HDAC9: variants seen among roughly 807,000 people sequenced by gnomAD.
HDAC9 encodes the protein MEF-2 interacting transcription repressor (MITR) protein.
HDAC9 carries 41 observed loss-of-function variants against 139.4 expected under a neutral mutation model. That is an observed-to-expected ratio of 0.29 (90% CI 0.23 to 0.38). The LOEUF is 0.38. Among genes scored for constraint, HDAC9 ranks in the 10% least tolerant of loss-of-function variants. The pLI, the probability that HDAC9 is intolerant of heterozygous loss-of-function variation, is 1.00. For synonymous variants in HDAC9, 517 were observed against 476.2 expected (o/e 1.09, Z -1.12); for missense variants, 1,147 against 1,297.0 (o/e 0.88, Z 1.78).
chr7:18,713,279 T>G (rs567291583), intron 12 of HDAC9, among the ~76,000 whole-genome samples: 25 of 152,290 alleles, frequency 1.6e-4, no homozygotes, highest in African/African-American at 5.5e-4. Flanking sequence ...GCCAAATTAT[T>G]AAACAGTGTT....
intron 22 of HDAC9, among the ~76,000 whole-genome samples, chr7:18,889,673 A>T (rs1800501572): frequency 6.6e-6 from 1 of 152,146 alleles, no homozygotes; most frequent in African/African-American, 2.4e-5. Flanking sequence ...CCTTTATAGG[A>T]CCAACACATG....
In HDAC9 at chr7:18,732,547, AT is replaced by A. The variant is rs1328126432; in HGVS notation, c.1909+4791del. On this transcript the variant is annotated intron_variant, in intron 13 of 25. Coordinates refer to ENST00000686413, the MANE Select transcript of HDAC9 (RefSeq NM_178425.4). ...ATGTATGTGTATATATGTGTATATA[AT>A]GTATATACACACGTGTATATATGTG... is the stretch of plus-strand genomic sequence containing the variant. Among the ~76,000 whole-genome samples the A allele has an allele frequency of 1.8e-3, 13 of 7,148 alleles. 1 individual carries two copies. In the Middle Eastern group the frequency reaches 0.33, roughly 183 times the overall value. 4.7% of individuals were successfully genotyped at this position (7,148 alleles called of 152,430 possible). A position where few individuals can be genotyped will look rare whatever the true frequency, so the allele number is the denominator to read the frequency against.
intron 2 of HDAC9, among the ~76,000 whole-genome samples, chr7:18,274,715 T>C (rs1796606478): frequency 6.6e-6 from 1 of 152,214 alleles, no homozygotes; most frequent in African/African-American, 2.4e-5. Context: ...ATTGACATAT[T>C]GTCATGGACA....
At chr7:18,368,442 ATGCTGT>A (rs1308534244) in intron 1 of HDAC9, among the ~76,000 whole-genome samples, 1 of 152,014 alleles carries the variant, frequency 6.6e-6, no homozygotes, top group African/African-American at 2.4e-5. Context: ...TATATCAAAC[ATGCTGT>A]TTCTGTTTCT....
intron 1 of HDAC9, among the ~76,000 whole-genome samples, chr7:18,403,415 A>T (rs990994569): frequency 3.9e-5 from 6 of 152,256 alleles, no homozygotes; most frequent in African/African-American, 1.4e-4. Flanking sequence ...ATGTACTTCC[A>T]TATTTCTTTC....
intron 24 of HDAC9, among the ~76,000 whole-genome samples, chr7:18,973,856 G>GC (rs1159281174): frequency 6.6e-6 from 1 of 152,082 alleles, no homozygotes; most frequent in Non-Finnish European, 1.5e-5. Flanking sequence ...TGGTCTTCCT[G>GC]CCCCCACTGT....
At chr7:18,773,288 A>T (rs187098583) in intron 16 of HDAC9, among the ~76,000 whole-genome samples, 1 of 152,062 alleles carries the variant, frequency 6.6e-6, no homozygotes, top group East Asian at 1.9e-4. Flanking sequence ...ATGGCTAAAA[A>T]AATGCCATCA....
intron 2 of HDAC9, among the ~76,000 whole-genome samples, chr7:18,170,240 T>A (rs1393435857): frequency 1.3e-5 from 2 of 152,276 alleles, no homozygotes; most frequent in African/African-American, 4.8e-5. Flanking sequence ...GTGTGTCTAT[T>A]GGCTTCATAA....
chr7:18,170,817 G>T (rs973347587), intron 2 of HDAC9, among the ~76,000 whole-genome samples: 4 of 152,092 alleles, frequency 2.6e-5, no homozygotes, highest in African/African-American at 4.8e-5. Flanking sequence ...CTCTGTTTTG[G>T]TACCAGAACC....
chr7:18,521,361 A>G (rs1362237084), intron 2 of HDAC9, among the ~76,000 whole-genome samples: 1 of 152,164 alleles, frequency 6.6e-6, no homozygotes, highest in Admixed American at 6.6e-5. Flanking sequence ...ATTTTTAAGA[A>G]GAAAAACACT....
At chr7:18,590,185 C>T (rs1397502832) in intron 3 of HDAC9, 151 bp from the exon 4 acceptor site, 1 of 824,080 alleles carries the variant, frequency 1.2e-6, no homozygotes, top group African/African-American at 1.7e-5. Context: ...AGTTGCTTGT[C>T]CTTAGATTTC....
intron 12 of HDAC9, among the ~76,000 whole-genome samples, chr7:18,683,848 A>G (rs1782063355): frequency 6.6e-6 from 1 of 152,028 alleles, no homozygotes; most frequent in Non-Finnish European, 1.5e-5. Flanking sequence ...ATATGCTTCC[A>G]TTTTTCAAAC....
rs1189629311 is a variant in HDAC9 at position 18,138,256 on chromosome 7, G to A, written c.-96-23973G>A. ...TTTTGTTGATCCTTTCAAAAAACCAGCTCCTGGATTCATTCTTTGTAAGGG... is the reference window on the plus strand; with the variant it reads ...TTTTGTTGATCCTTTCAAAAAACCAACTCCTGGATTCATTCTTTGTAAGGG... On this transcript the variant is annotated intron_variant, in intron 1 of 12. Coordinates refer to the HDAC9 transcript ENST00000417496. Among the ~76,000 whole-genome samples, 6 of 151,980 alleles carry A rather than the reference G, an allele frequency of 3.9e-5. No homozygotes were observed. In the East Asian group the frequency reaches 1.2e-3, roughly 29 times the overall value.
At chr7:18,681,435 T>C (rs1234442825) in intron 12 of HDAC9, among the ~76,000 whole-genome samples, 1 of 151,886 alleles carries the variant, frequency 6.6e-6, no homozygotes, top group Non-Finnish European at 1.5e-5. Context: ...TTTAACAATA[T>C]TTGTTATTAT....
intron 17 of HDAC9, among the ~76,000 whole-genome samples, chr7:18,797,139 C>G (rs942116081): frequency 3.9e-5 from 6 of 152,266 alleles, no homozygotes; most frequent in Non-Finnish European, 7.4e-5. Flanking sequence ...GAAGTAAGTA[C>G]AGGATACTGG....
At chr7:18,158,902 C>T (rs1250810890) in intron 1 of HDAC9, among the ~76,000 whole-genome samples, 2 of 152,130 alleles carry the variant, frequency 1.3e-5, no homozygotes, top group East Asian at 3.9e-4. Flanking sequence ...GTTGTTGCTC[C>T]GTGCTACATC....
chr7:18,559,519 G>T (rs1050608288), intron 2 of HDAC9, among the ~76,000 whole-genome samples: 1 of 152,148 alleles, frequency 6.6e-6, no homozygotes, highest in Non-Finnish European at 1.5e-5. Flanking sequence ...TGAGGAGGAG[G>T]GGGTAGGGAC....
intron 1 of HDAC9, among the ~76,000 whole-genome samples, chr7:18,411,153 G>T (rs1217556035): frequency 6.6e-6 from 1 of 152,130 alleles, no homozygotes; most frequent in Non-Finnish European, 1.5e-5. Context: ...GTGCTGGTGG[G>T]TATCTTACCT....
chr7:18,235,494 C>A (rs1793756436), intron 2 of HDAC9, among the ~76,000 whole-genome samples: 1 of 152,114 alleles, frequency 6.6e-6, no homozygotes. Context: ...TGCCTAACTG[C>A]CTATGAGTTT....
Sources: allele counts gnomAD v4.1 joint callset (sites outside exome capture counted in the v4.1 genomes callset), GRCh38; gene constraint gnomAD v4.1.1; transcripts MANE v1.5; gene names NCBI Gene and HGNC (gene_info 2026-07-23, HGNC 2026-07-21).